The following SYNJ1 variants were observed in gnomAD, a reference collection of about 807,000 sequenced individuals.
The protein encoded by SYNJ1 is polyphosphatidylinositol phosphatase SYNJ1.
Under a neutral mutation model 168.2 loss-of-function variants are expected in SYNJ1, and 78 were observed. The observed-to-expected ratio is 0.46, with a 90% CI of 0.39 to 0.56. The LOEUF is 0.56. Ranked by LOEUF, SYNJ1 falls within the 20% of genes least tolerant of loss-of-function variation. The pLI is 0.00. For synonymous variants in SYNJ1, 539 were observed against 548.6 expected (o/e 0.98, Z 0.24); for missense variants, 1,303 against 1,597.6 (o/e 0.82, Z 3.14).
rs1394751497 is a variant in SYNJ1, at chr21:32,727,974, T to G, written c.-51A>C. 6.5e-7 allele frequency: 1 copy of G among 1,534,290 alleles called. No individual in the cohort carries two copies. Among genetic ancestry groups the G allele is most frequent in the Non-Finnish European group, 8.7e-7 (1 of 1,145,896 alleles). Reference sequence around the variant, plus strand: ...TTCCTCCGGCTCCTCCTCCTCCTTCTCCCGCAGCCGCCGCCACAGCCGCCG... The same window carrying G: ...TTCCTCCGGCTCCTCCTCCTCCTTCGCCCGCAGCCGCCGCCACAGCCGCCG... On this transcript the variant is annotated 5_prime_UTR_variant, in exon 1 of 33. Transcript: ENST00000674351.
chr21:32,676,446 G>T, intron 12 of SYNJ1, 91 bp from the exon 13 acceptor site: 1 of 1,259,714 alleles, frequency 7.9e-7, no homozygotes, highest in Non-Finnish European at 1.1e-6. Context: ...ATTTTGAGAA[G>T]ACCTCACTTA....
intron 2 of SYNJ1, among the ~76,000 whole-genome samples, chr21:32,720,658 TACC>T (rs1296590567): frequency 1.3e-5 from 2 of 152,216 alleles, no homozygotes; most frequent in Non-Finnish European, 1.5e-5. Context: ...AAAGTAATCT[TACC>T]ACTAGACAGA....
At chr21:32,681,749 G>C in intron 10 of SYNJ1, 101 bp from the exon 11 acceptor site, 1 of 1,093,128 alleles carries the variant, frequency 9.1e-7, no homozygotes, top group Non-Finnish European at 1.3e-6. Context: ...TATCATTATA[G>C]CACTATTTGG....
intron 30 of SYNJ1, 123 bp downstream of exon 30, chr21:32,639,548 C>T (rs547025531): frequency 4.4e-5 from 33 of 741,732 alleles, no homozygotes; most frequent in Middle Eastern, 7.8e-4. Flanking sequence ...TGTGCCATCA[C>T]CCCTGGCTAA....
In SYNJ1 at chr21:32,700,080, G is replaced by T; in HGVS notation, c.237C>A (p.Val79=). 6.2e-7 allele frequency: 1 copy of T among 1,613,540 alleles called. No individual in the cohort carries two copies. The highest frequency in any genetic ancestry group is 1.1e-5 in the South Asian group (1 of 91,006). ...NLGDTMLHYL[V]LVTGCMSVGK... is the part of the protein sequence containing the mutation. Reference sequence around the variant, plus strand: ...CAACAGACATACATCCAGTGACTAGGACCAGATAATGTAACATAGTATCAC... The same window carrying T: ...CAACAGACATACATCCAGTGACTAGTACCAGATAATGTAACATAGTATCAC... Residue 79 remains valine (V), a synonymous_variant, in exon 4 of 33, where the codon GTC becomes GTA. Transcript: ENST00000674351.
At position 32,665,079 on chromosome 21, in the gene SYNJ1, C is replaced by T. The variant is rs759701632; in HGVS notation, c.2146-8G>A. 5.1e-6 allele frequency: 8 copies of T among 1,574,936 alleles called. No individual in the cohort carries two copies. The Admixed American group carries it at 1.5e-4, about 30-fold the overall frequency. On this transcript the variant is annotated splice_region_variant and splice_polypyrimidine_tract_variant and intron_variant, in intron 17 of 32. Transcript: ENST00000674351. The stretch of plus-strand genomic sequence containing the variant: ...GGAAAATAGCATCCTTCCCTGAAAG[C>T]AATGAGATAGAATTTTAAATTCAAA...
chr21:32,660,189 T>C (rs973166010), intron 18 of SYNJ1, among the ~76,000 whole-genome samples: 1 of 152,190 alleles, frequency 6.6e-6, no homozygotes, highest in Non-Finnish European at 1.5e-5. Flanking sequence ...AACAACTAGA[T>C]GGGGTTTCCA....
Position 32,683,908 on chromosome 21 carries a change from A to C in SYNJ1, c.1200+130T>G, listed in dbSNP as rs943243014. ...AAAGTTTGGCCAAAAAAAGAGACAG[A>C]GATTAGAAGTACAAAATGAAGCATA... On this transcript the variant is annotated intron_variant, in intron 10 of 32. Transcript: ENST00000674351. 8 of 722,704 alleles carry C rather than the reference A, an allele frequency of 1.1e-5. No individual in the cohort carries two copies. The East Asian group carries it at 1.9e-4, about 17-fold the overall frequency. 44.8% of individuals were successfully genotyped at this position (722,704 alleles called of 1,614,324 possible).
At position 32,650,258 on chromosome 21, in the gene SYNJ1, A is replaced by G. The variant is rs1045724037; in HGVS notation, c.2963T>C (p.Ile988Thr). The change falls in exon 23 of 33, where the codon ATT becomes ACT. Residue 988 changes from isoleucine (I) to threonine (T), a missense_variant. Around this residue, in one of 2 missense-constraint regions of SYNJ1, gnomAD observed 920 missense variants for 1,208.8 expected, o/e 0.76. Transcript: ENST00000674351. ...EEEMSLEKIS[I>T]ALPSSTSSTL... ...AGAGCTTGTTGATGATGGCAATGCA[A>G]TGCTAATTTTCTCTAAACTCATTTC... The G allele has an allele frequency of 6.2e-7, 1 of 1,614,054 alleles. No individual in the cohort carries two copies.
At chr21:32,635,850 G>A (rs1465549229) in intron 31 of SYNJ1, among the ~76,000 whole-genome samples, 1 of 151,840 alleles carries the variant, frequency 6.6e-6, no homozygotes, top group Non-Finnish European at 1.5e-5. Flanking sequence ...ATTTACCTTT[G>A]TTTAAAAATG....
In SYNJ1 at chr21:32,639,678, C is replaced by T. The variant is rs1446522492; in HGVS notation, c.3690G>A (p.Thr1230=). Residue 1230 remains threonine, a synonymous_variant, in exon 30 of 33, where the codon ACG becomes ACA. Transcript: ENST00000674351. ...TPESQSKTSE[T]SKGSTFLPEP... is the part of the protein sequence containing the mutation. Reference sequence around the variant, plus strand: ...CTCCCAAAGAGGACCTACCTTTCGACGTTTCTGATGTTTTGCTTTGGCTTT... The same window carrying T: ...CTCCCAAAGAGGACCTACCTTTCGATGTTTCTGATGTTTTGCTTTGGCTTT... 3 of 1,613,838 alleles carry T rather than the reference C, an allele frequency of 1.9e-6. No individual in the cohort carries two copies. The highest frequency in any genetic ancestry group is 1.7e-6 in the Non-Finnish European group (2 of 1,179,932).
chr21:32,685,182 A>C (rs900055734), intron 9 of SYNJ1, among the ~76,000 whole-genome samples: 20 of 132,260 alleles, frequency 1.5e-4, no homozygotes, highest in African/African-American at 5.6e-4. Flanking sequence ...ACTCCGTCTC[A>C]AAAAAAAAAA....
At position 32,643,400 on chromosome 21, in the gene SYNJ1, G is replaced by A; in HGVS notation, c.3478+10C>T. Reference sequence around the variant, plus strand: ...AGAGAACCACTTCTATAATGCAAGAGTCTTGTTACCTTCCATCTCTCTCCT... The same window carrying A: ...AGAGAACCACTTCTATAATGCAAGAATCTTGTTACCTTCCATCTCTCTCCT... On this transcript the variant is annotated intron_variant, in intron 27 of 32. Transcript: ENST00000674351. 3 of 1,613,608 alleles carry A rather than the reference G, an allele frequency of 1.9e-6. No individual in the cohort carries two copies. Among genetic ancestry groups the A allele is most frequent in the African/African-American group, 1.3e-5 (1 of 75,004 alleles).
chr21:32,642,270 T>C, intron 27 of SYNJ1, 137 bp from the exon 28 acceptor site: 1 of 890,686 alleles, frequency 1.1e-6, no homozygotes. Flanking sequence ...GCACTTTGCT[T>C]TGTATAATGA....
chr21:32,659,007 T>C (rs2040574130), intron 18 of SYNJ1, among the ~76,000 whole-genome samples: 1 of 152,044 alleles, frequency 6.6e-6, no homozygotes, highest in African/African-American at 2.4e-5. Context: ...AATGAGGTGC[T>C]GAGGCCTGAA....
chr21:32,702,817 C>T (rs2042455178), intron 2 of SYNJ1, among the ~76,000 whole-genome samples: 1 of 152,178 alleles, frequency 6.6e-6, no homozygotes, highest in Non-Finnish European at 1.5e-5. Flanking sequence ...ACCTTATTTA[C>T]TTCTTATCTC....
intron 12 of SYNJ1, among the ~76,000 whole-genome samples, chr21:32,677,048 G>A (rs959811382): frequency 1.3e-5 from 2 of 152,156 alleles, no homozygotes; most frequent in African/African-American, 4.8e-5. Context: ...GTAGAAATGG[G>A]CATCAGGCAG....
chr21:32,634,937 A>T (rs1190371590), intron 31 of SYNJ1, 53 bp from the exon 32 acceptor site: 1 of 1,592,886 alleles, frequency 6.3e-7, no homozygotes, highest in Non-Finnish European at 8.6e-7. Flanking sequence ...ACAATCCGAG[A>T]TCAACCAGCA....
At chr21:32,713,005 T>C (rs1346030353) in intron 2 of SYNJ1, among the ~76,000 whole-genome samples, 1 of 152,232 alleles carries the variant, frequency 6.6e-6, no homozygotes. Context: ...TCATTTATAA[T>C]AGCAAAATTG....
Sources: gnomAD v4.1 joint callset for allele counts (sites outside exome capture counted in the v4.1 genomes callset) on GRCh38, gnomAD v4.1.1 for gene constraint, gnomAD v4.1.1 regional missense constraint, MANE v1.5 for transcripts, NCBI Gene and HGNC (gene_info 2026-07-23, HGNC 2026-07-21) for gene names.